KIF26B: variants seen among roughly 807,000 people sequenced by gnomAD.
KIF26B encodes kinesin-like protein KIF26B.
In KIF26B, 63 loss-of-function variants were observed where a neutral mutation model predicts 151.2. That is an observed-to-expected ratio of 0.42 (90% CI 0.34 to 0.51). The LOEUF is 0.51. Ranked by LOEUF, KIF26B falls within the 20% of genes least tolerant of loss-of-function variation. The pLI, the probability that KIF26B is intolerant of heterozygous loss-of-function variation, is 0.07. For synonymous variants in KIF26B, 1,357 were observed against 1,262.1 expected (o/e 1.08, Z -1.59); for missense variants, 2,813 against 2,913.6 (o/e 0.97, Z 0.79).
chr1:245,175,935 T>TATCTATATCTATATATATA (rs2103524871), intron 2 of KIF26B, among the ~76,000 whole-genome samples: 1 of 122,490 alleles, frequency 8.2e-6, no homozygotes, highest in African/African-American at 3.5e-5. Context: ...TATATTTAGA[T>TATCTATATCTATATATATA]GTCTATATAT....
At chr1:245,653,310 C>A in intron 10 of KIF26B, among the ~76,000 whole-genome samples, 1 of 152,072 alleles carries the variant, frequency 6.6e-6, no homozygotes, top group Admixed American at 6.5e-5. Context: ...GTTCCTAATT[C>A]GTGGACTTGC....
chr1:245,688,559 G>A lies in KIF26B; in HGVS notation c.5576G>A (p.Arg1859Lys). Reference sequence around the variant, plus strand: ...TACAGCAAGATCACGCCCCCGCGGAGGCCCCACCGCTGCAGCAGCGGCCAC... The same window carrying A: ...TACAGCAAGATCACGCCCCCGCGGAAGCCCCACCGCTGCAGCAGCGGCCAC... The part of the protein sequence containing the change: ...SPYSKITPPR[R>K]PHRCSSGHGS... The change falls in exon 12 of 15, where the codon AGG becomes AAG. Residue 1859 changes from arginine to lysine, a missense_variant. Transcript: ENST00000407071. The A allele has an allele frequency of 6.5e-7, 1 of 1,549,702 alleles. No homozygotes were observed. The highest frequency in any genetic ancestry group is 1.2e-5 in the South Asian group (1 of 84,138).
intron 4 of KIF26B, among the ~76,000 whole-genome samples, chr1:245,507,083 A>G (rs1352721971): frequency 6.6e-6 from 1 of 152,108 alleles, no homozygotes; most frequent in East Asian, 1.9e-4. Flanking sequence ...TTTCCTCTAG[A>G]TGAGAGAACT....
intron 5 of KIF26B, among the ~76,000 whole-genome samples, chr1:245,548,989 G>A (rs1420496232): frequency 6.6e-6 from 1 of 152,054 alleles, no homozygotes; most frequent in Non-Finnish European, 1.5e-5. Flanking sequence ...TGATCCACCC[G>A]CCTTGGCTTC....
chr1:245,299,572 C>A (rs886293608), intron 2 of KIF26B, among the ~76,000 whole-genome samples: 8 of 152,074 alleles, frequency 5.3e-5, no homozygotes, highest in Admixed American at 3.3e-4. Context: ...GCATAAAAAA[C>A]TTCTTTCAGT....
At chr1:245,549,748 A>G (rs1280204868) in intron 5 of KIF26B, among the ~76,000 whole-genome samples, 1 of 151,998 alleles carries the variant, frequency 6.6e-6, no homozygotes. Flanking sequence ...TTGAACCAAA[A>G]TGTATTATTA....
At chr1:245,407,222 T>G (rs1674156060) in intron 3 of KIF26B, among the ~76,000 whole-genome samples, 1 of 152,174 alleles carries the variant, frequency 6.6e-6, no homozygotes, top group Non-Finnish European at 1.5e-5. Flanking sequence ...ATGCCCGGTA[T>G]GGGGAAGAAC....
At position 245,464,564 on chromosome 1, in the gene KIF26B, G is replaced by GGTGTGTGGGTGTGTGTGCAC. The variant is rs1478709395; in HGVS notation, c.1166+44835_1166+44854dup. On this transcript the variant is annotated intron_variant, in intron 4 of 14. Transcript: ENST00000407071. ...GTGTGCGTGGGTGTGTTCCTGTGTG[G>GGTGTGTGGGTGTGTGTGCAC]GTGTGTGGGTGTGTGTGCACGTGTG... Among the ~76,000 whole-genome samples, 5 of 144,000 alleles carry GGTGTGTGGGTGTGTGTGCAC rather than the reference G, an allele frequency of 3.5e-5. No individual in the cohort carries two copies. The South Asian group carries it at 1.1e-3, about 33-fold the overall frequency. The allele number at this position is 144,000 out of a possible 152,430, so 94.5% of individuals were successfully genotyped here. A position where few individuals can be genotyped will look rare whatever the true frequency, so the allele number is the denominator to read the frequency against.
Position 245,685,540 on chromosome 1 carries a change from G to A in KIF26B, c.2557G>A (p.Asp853Asn), listed in dbSNP as rs765840647. 25 of 1,613,702 alleles carry A rather than the reference G, an allele frequency of 1.5e-5. No individual in the cohort carries two copies. The South Asian group carries it at 1.8e-4, about 11-fold the overall frequency. Residue 853 changes from aspartate to asparagine, a missense_variant, in exon 12 of 15, where the codon GAC (aspartate) becomes AAC (asparagine). This residue lies in a region of KIF26B where 2,060 missense variants were observed against 2,088.6 expected (regional missense o/e 0.99). Coordinates refer to ENST00000407071, the MANE Select transcript of KIF26B (RefSeq NM_018012.4). ...FPIAHLSSDP[D>N]YSSSSEQSCD... ...CATCGCTCACCTGTCCAGCGACCCC[G>A]ACTACTCCTCCAGCAGCGAGCAGTC...
chr1:245,431,784 C>T (rs990927884), intron 4 of KIF26B, among the ~76,000 whole-genome samples: 3 of 152,206 alleles, frequency 2.0e-5, no homozygotes, highest in African/African-American at 7.2e-5. Context: ...GCCTGACCAA[C>T]TACTGTTTAT....
At position 245,688,134 on chromosome 1, in the gene KIF26B, G is replaced by A. The variant is rs1430512015; in HGVS notation, c.5151G>A (p.Ser1717=). 2 of 1,587,326 alleles carry A rather than the reference G, an allele frequency of 1.3e-6. No homozygotes were observed. The highest frequency in any genetic ancestry group is 2.3e-5 in the East Asian group (1 of 44,070). Residue 1717 remains serine, a synonymous_variant, in exon 12 of 15, where the codon TCG becomes TCA. Transcript: ENST00000407071. ...GRSLGRSAGT[S]PPSSGASPKA... is the part of the protein sequence containing the mutation. ...GCCTGGGCCGCAGCGCCGGGACCTCGCCCCCCAGCTCCGGGGCCTCGCCCA... is the reference window on the plus strand; with the variant it reads ...GCCTGGGCCGCAGCGCCGGGACCTCACCCCCCAGCTCCGGGGCCTCGCCCA...
intron 5 of KIF26B, among the ~76,000 whole-genome samples, chr1:245,577,470 G>A (rs2043130505): frequency 6.6e-6 from 1 of 152,232 alleles, no homozygotes; most frequent in African/African-American, 2.4e-5. Flanking sequence ...CAATCTCCAG[G>A]GAGAGAAGAG....
chr1:245,550,464 C>G (rs192606797), intron 5 of KIF26B, among the ~76,000 whole-genome samples: 55 of 152,370 alleles, frequency 3.6e-4, no homozygotes, highest in African/African-American at 1.1e-3. Flanking sequence ...TCCTCACCAG[C>G]ACCCTGCTGT....
intron 9 of KIF26B, among the ~76,000 whole-genome samples, chr1:245,619,211 C>T (rs780225013): frequency 2.8e-5 from 4 of 142,072 alleles, no homozygotes; most frequent in East Asian, 2.1e-4. Context: ...GTGTCTGCTG[C>T]GTGCTGTTGG....
intron 4 of KIF26B, among the ~76,000 whole-genome samples, chr1:245,515,951 G>A (rs1163835403): frequency 6.6e-6 from 1 of 152,214 alleles, no homozygotes; most frequent in Non-Finnish European, 1.5e-5. Context: ...CATGGAGGCA[G>A]CATGGTCAGG....
chr1:245,440,132 A>G (rs1318499727), intron 4 of KIF26B, among the ~76,000 whole-genome samples: 1 of 152,046 alleles, frequency 6.6e-6, no homozygotes, highest in Non-Finnish European at 1.5e-5. Flanking sequence ...GAGGCAGGAG[A>G]ATGGCGTGAA....
At chr1:245,614,025 C>G (rs145463774) in intron 9 of KIF26B, among the ~76,000 whole-genome samples, 1 of 152,292 alleles carries the variant, frequency 6.6e-6, no homozygotes, top group African/African-American at 2.4e-5. Context: ...TCCAGGATAT[C>G]GTGGGAATGG....
At position 245,589,652 on chromosome 1, in the gene KIF26B, T is replaced by C. The variant is rs143662587; in HGVS notation, c.1351-12925T>C. On this transcript the variant is annotated intron_variant, in intron 5 of 14. Transcript: ENST00000407071. ...CCTAATTATTAGGCGAGTGTGGTCATTGCCTCTTTGTCTTAGATAACTAGG... is the reference window on the plus strand; with the variant it reads ...CCTAATTATTAGGCGAGTGTGGTCACTGCCTCTTTGTCTTAGATAACTAGG... Among the ~76,000 whole-genome samples the C allele has an allele frequency of 6.9e-3, 1,050 of 152,324 alleles. 11 individuals carry two copies. The highest frequency in any genetic ancestry group is 0.024 in the African/African-American group (1,002 of 41,554).
intron 3 of KIF26B, among the ~76,000 whole-genome samples, chr1:245,374,245 C>T (rs1673219184): frequency 6.7e-6 from 1 of 148,432 alleles, no homozygotes; most frequent in South Asian, 2.2e-4. Context: ...GATCAGAAGC[C>T]CTGGGGGATC....
Sources: allele counts gnomAD v4.1 joint callset (sites outside exome capture counted in the v4.1 genomes callset), GRCh38; gene constraint gnomAD v4.1.1; regional missense constraint gnomAD v4.1.1; transcripts MANE v1.5; gene names NCBI Gene and HGNC (gene_info 2026-07-23, HGNC 2026-07-21).